POT1: variants seen among roughly 807,000 people sequenced by gnomAD.
POT1 encodes the protein protection of telomeres 1, also known as protection of telomeres protein 1.
Under a neutral mutation model 78.5 loss-of-function variants are expected in POT1, and 47 were observed. The ratio of observed to expected loss-of-function variants is 0.60; its 90% CI spans 0.47 to 0.76. POT1 has a LOEUF of 0.76. Among genes scored for constraint, POT1 ranks in the 30% least tolerant of loss-of-function variants. POT1 has a pLI of 0.00. For missense variants in POT1, 646 were observed against 749.9 expected (o/e 0.86, Z 1.62); for synonymous variants, 259 against 260.7 (o/e 0.99, Z 0.06).
intron 9 of POT1, among the ~76,000 whole-genome samples, chr7:124,855,346 G>A (rs1795421929): frequency 6.6e-6 from 1 of 151,430 alleles, no homozygotes; most frequent in Non-Finnish European, 1.5e-5. Context: ...AAAAAATAAG[G>A]TGAACACACG....
intron 5 of POT1, among the ~76,000 whole-genome samples, chr7:124,894,323 TGAACA>T (rs1796441457): frequency 6.6e-6 from 1 of 151,448 alleles, no homozygotes; most frequent in Admixed American, 6.6e-5. Context: ...AGAAGCATAC[TGAACA>T]GTAGGGAGAA....
rs761930094 is a variant in POT1, at chr7:124,863,371, G to A, written c.525C>T (p.Asp175=). The A allele has an allele frequency of 1.2e-5, 19 of 1,613,020 alleles. No individual in the cohort carries two copies. The highest frequency in any genetic ancestry group is 8.9e-5 in the East Asian group (4 of 44,882). Residue 175 remains aspartate (D), a synonymous_variant, in exon 8 of 19, where the codon GAC becomes GAT. Coordinates refer to ENST00000357628, the MANE Select transcript of POT1 (RefSeq NM_015450.3). ...GTACCTTTAGAAGAAATGATGCTCC[G>A]TCCACTTCTGCTTTGCCCAAGAGCT... ...TCQLLGKAEV[D]GASFLLKVWD...
intron 5 of POT1, among the ~76,000 whole-genome samples, chr7:124,894,989 C>T (rs1004513931): frequency 6.6e-6 from 1 of 151,566 alleles, no homozygotes; most frequent in Non-Finnish European, 1.5e-5. Flanking sequence ...AAGCAACAGG[C>T]ATATAATATT....
intron 2 of POT1, among the ~76,000 whole-genome samples, chr7:124,917,890 T>C (rs756301770): frequency 6.6e-6 from 1 of 152,052 alleles, no homozygotes; most frequent in African/African-American, 2.4e-5. Context: ...AAGAAAACTC[T>C]AGAACTTGGA....
chr7:124,877,576 C>T (rs66639470), intron 6 of POT1, among the ~76,000 whole-genome samples: 4 of 151,620 alleles, frequency 2.6e-5, no homozygotes, highest in African/African-American at 9.7e-5. Flanking sequence ...GGGGCTCACA[C>T]CTGTAATCCC....
chr7:124,880,650 G>C (rs1332050829), intron 6 of POT1, among the ~76,000 whole-genome samples: 1 of 151,956 alleles, frequency 6.6e-6, no homozygotes, highest in Non-Finnish European at 1.5e-5. Flanking sequence ...TCCAAAAGAT[G>C]ACCTAACAGA....
At chr7:124,885,751 G>A (rs1273245876) in intron 6 of POT1, among the ~76,000 whole-genome samples, 1 of 150,766 alleles carries the variant, frequency 6.6e-6, no homozygotes, top group African/African-American at 2.4e-5. Flanking sequence ...GGGTGACAGA[G>A]CAAGACTCCG....
At chr7:124,824,562 G>T (rs796834461) in intron 18 of POT1, among the ~76,000 whole-genome samples, 7 of 152,162 alleles carry the variant, frequency 4.6e-5, no homozygotes, top group African/African-American at 1.7e-4. Context: ...ATTGACCAGG[G>T]AGAGTAAAGC....
At chr7:124,841,432 C>T (rs904348411) in intron 13 of POT1, among the ~76,000 whole-genome samples, 1 of 151,744 alleles carries the variant, frequency 6.6e-6, no homozygotes, top group African/African-American at 2.4e-5. Context: ...GATTTCTATG[C>T]CTGGTTTTGT....
chr7:124,844,986 GTC>G (rs1441070082), intron 12 of POT1, among the ~76,000 whole-genome samples: 1 of 152,020 alleles, frequency 6.6e-6, no homozygotes, highest in East Asian at 1.9e-4. Context: ...GTCTTTATCT[GTC>G]TCTCACCACA....
chr7:124,835,468 T>C, intron 14 of POT1, 54 bp from the exon 15 acceptor site: 1 of 1,561,046 alleles, frequency 6.4e-7, no homozygotes, highest in Non-Finnish European at 8.8e-7. Context: ...TGTAGACAAG[T>C]ACAGTCCTAT....
At chr7:124,846,199 C>T (rs576393687) in intron 12 of POT1, among the ~76,000 whole-genome samples, 8 of 128,338 alleles carry the variant, frequency 6.2e-5, no homozygotes, top group African/African-American at 2.6e-4. Flanking sequence ...ATAATATAAA[C>T]AAATGTGTAC....
At chr7:124,851,224 G>T (rs891400769) in intron 11 of POT1, among the ~76,000 whole-genome samples, 5 of 152,128 alleles carry the variant, frequency 3.3e-5, no homozygotes, top group Non-Finnish European at 1.5e-5. Flanking sequence ...TATCACTTGA[G>T]CCCAGGAGTT....
chr7:124,831,336 C>T (rs1402366572), intron 15 of POT1, among the ~76,000 whole-genome samples: 1 of 152,058 alleles, frequency 6.6e-6, no homozygotes, highest in Non-Finnish European at 1.5e-5. Flanking sequence ...AGGTAAACAC[C>T]TTAGGAGTAA....
chr7:124,846,865 G>A (rs1428028951), intron 12 of POT1, 77 bp downstream of exon 12: 1 of 999,436 alleles, frequency 1.0e-6, no homozygotes, highest in Non-Finnish European at 1.5e-6. Context: ...GAAAGAAATG[G>A]ATTAGCTGGT....
chr7:124,833,203 G>T (rs1444157005), intron 15 of POT1, among the ~76,000 whole-genome samples: 2 of 152,130 alleles, frequency 1.3e-5, no homozygotes, highest in African/African-American at 4.8e-5. Context: ...ATAACACAGA[G>T]ATTTAAGTCA....
chr7:124,841,149 T>C lies in POT1; in HGVS notation c.1193A>G (p.Asp398Gly), dbSNP rs752802425. Residue 398 changes from aspartate to glycine, a missense_variant, in exon 14 of 19, where the codon GAT (aspartate) becomes GGT (glycine). Physicochemically the swap from Asp to Gly is moderately conservative, Grantham distance 94. Coordinates refer to ENST00000357628, the MANE Select transcript of POT1 (RefSeq NM_015450.3). ...LQEVPHEGDL[D>G]IIFQDGATKT... ...AGTTGCACCATCCTGAAAAATTATA[T>C]CCAAATCGCCCTCATGTGGAACTTC... The C allele has an allele frequency of 6.2e-7, 1 of 1,612,672 alleles. No individual in the cohort carries two copies. Among genetic ancestry groups the C allele is most frequent in the South Asian group, 1.1e-5 (1 of 90,934 alleles).
At chr7:124,911,291 C>A (rs1796883331) in intron 3 of POT1, among the ~76,000 whole-genome samples, 1 of 152,082 alleles carries the variant, frequency 6.6e-6, no homozygotes, top group African/African-American at 2.4e-5. Flanking sequence ...TCATTTGGAG[C>A]AATTAATTCC....
At chr7:124,850,227 G>C (rs1273167974) in intron 11 of POT1, among the ~76,000 whole-genome samples, 1 of 152,110 alleles carries the variant, frequency 6.6e-6, no homozygotes, top group African/African-American at 2.4e-5. Flanking sequence ...AAAATAAGGA[G>C]AGTTTTAAAA....
Sources: gnomAD v4.1 joint callset for allele counts (sites outside exome capture counted in the v4.1 genomes callset) on GRCh38, gnomAD v4.1.1 for gene constraint, MANE v1.5 for transcripts, NCBI Gene and HGNC (gene_info 2026-07-23, HGNC 2026-07-21) for gene names.